TRPC5: variants seen among roughly 807,000 people sequenced by gnomAD.
TRPC5 encodes transient receptor potential cation channel subfamily C member 5.
In TRPC5, 9 loss-of-function variants were observed where a neutral mutation model predicts 56.5. That is an observed-to-expected ratio of 0.16 (90% confidence interval 0.10 to 0.28). TRPC5 has a LOEUF of 0.28. Ranked by LOEUF, TRPC5 falls within the 10% of genes least tolerant of loss-of-function variation. TRPC5 has a pLI of 1.00. For synonymous variants in TRPC5, 282 were observed against 278.5 expected, an observed-to-expected ratio of 1.01 and a Z score of -0.13; for missense variants, 469 against 748.9, an observed-to-expected ratio of 0.63 and a Z score of 4.36.
chrX:111,789,926 T>G (rs1298506723), intron 7 of TRPC5, among the ~76,000 whole-genome samples: 1 of 111,853 alleles, frequency 8.9e-6, no homozygotes, highest in Non-Finnish European at 1.9e-5. Context: ...CTGGAGAGGA[T>G]GTGGAGAAAT....
At chrX:111,810,923 T>C (rs1361286958) in intron 7 of TRPC5, among the ~76,000 whole-genome samples, 2 of 112,083 alleles carry the variant, frequency 1.8e-5, no homozygotes, top group Non-Finnish European at 3.8e-5. Flanking sequence ...AAATTAAATT[T>C]CAATTTATGC....
intron 6 of TRPC5, among the ~76,000 whole-genome samples, chrX:111,842,132 G>GTATATATATATATTATA (rs1406226710): frequency 2.6e-5 from 2 of 77,197 alleles, no homozygotes; most frequent in African/African-American, 2.3e-4. Context: ...ATATATATAT[G>GTATATATATATATTATA]TATATATATA....
chrX:111,853,285 T>C (rs976304375), intron 4 of TRPC5, among the ~76,000 whole-genome samples: 1 of 111,572 alleles, frequency 9.0e-6, no homozygotes, highest in African/African-American at 3.3e-5. Flanking sequence ...GCTTTTACCA[T>C]GATGTGTGAA....
At chrX:112,006,509 C>T (rs116560876) in intron 1 of TRPC5, among the ~76,000 whole-genome samples, 6,028 of 111,018 alleles carry the variant, frequency 0.054, 387 homozygotes, top group African/African-American at 0.18. Flanking sequence ...AGAGAGGCTA[C>T]GGAATTTGCC....
chrX:111,953,572 C>G (rs1447342457), intron 1 of TRPC5, among the ~76,000 whole-genome samples: 2 of 111,872 alleles, frequency 1.8e-5, no homozygotes, highest in Non-Finnish European at 3.8e-5. Flanking sequence ...TAGGTGTTGG[C>G]TCCACTTTTC....
At chrX:111,812,332 C>G (rs1292264309) in intron 7 of TRPC5, among the ~76,000 whole-genome samples, 1 of 111,113 alleles carries the variant, frequency 9.0e-6, no homozygotes, top group Non-Finnish European at 1.9e-5. Context: ...ATTGCACCCA[C>G]TCCACTGATA....
chrX:111,936,794 G>A (rs1297486116), intron 2 of TRPC5, among the ~76,000 whole-genome samples: 8 of 95,899 alleles, frequency 8.3e-5, no homozygotes, highest in Middle Eastern at 5.1e-3. Flanking sequence ...GAATAGTGCC[G>A]CAATAAACAT....
chrX:112,011,917 A>G (rs1282528168), intron 1 of TRPC5, among the ~76,000 whole-genome samples: 2 of 112,054 alleles, frequency 1.8e-5, no homozygotes, highest in Non-Finnish European at 3.8e-5. Context: ...TACGTATGAC[A>G]AAGCTTATAA....
chrX:112,067,600 A>G (rs188573009), intron 1 of TRPC5, among the ~76,000 whole-genome samples: 1 of 111,638 alleles, frequency 9.0e-6, no homozygotes, highest in Admixed American at 9.5e-5. Flanking sequence ...ACAGCTGGCC[A>G]GAGGGAAGGC....
At chrX:111,828,853 T>C (rs1210551760) in intron 7 of TRPC5, among the ~76,000 whole-genome samples, 1 of 112,094 alleles carries the variant, frequency 8.9e-6, no homozygotes, top group East Asian at 2.8e-4. Flanking sequence ...TACTGGGAAC[T>C]GGAATAAAAA....
rs188771193 is a variant in TRPC5 at position 112,066,375 on chromosome X, G to A, written c.-22+15504C>T. Among the ~76,000 whole-genome samples, 594 of 111,734 alleles carry A rather than the reference G, an allele frequency of 5.3e-3. 5 individuals are homozygous for A. Among genetic ancestry groups the A allele is most frequent in the Non-Finnish European group, 5.9e-3 (313 of 53,137 alleles). Reference sequence around the variant, plus strand: ...CCCCTGTGTTAGGCCCTGGGAATACGGTGTACGGTGGTGAACCAGAAAGGT... The same window carrying A: ...CCCCTGTGTTAGGCCCTGGGAATACAGTGTACGGTGGTGAACCAGAAAGGT... On this transcript the variant is annotated intron_variant, in intron 1 of 10. Transcript: ENST00000262839.
intron 5 of TRPC5, among the ~76,000 whole-genome samples, chrX:111,847,985 G>A (rs755952364): frequency 4.6e-4 from 51 of 111,483 alleles, no homozygotes; most frequent in African/African-American, 1.6e-3. Flanking sequence ...GCTGATGGAG[G>A]ATCCTTAGGG....
Position 111,799,568 on chromosome X carries a change from C to T in TRPC5, c.1897-17430G>A, listed in dbSNP as rs1472236696. ...CTGTCAATGCTATGGAAGAAAACCTCGATAAAAAGAACACTGAAAGTCTGG... is the reference window on the plus strand; with the variant it reads ...CTGTCAATGCTATGGAAGAAAACCTTGATAAAAAGAACACTGAAAGTCTGG... On this transcript the variant is annotated intron_variant, in intron 7 of 10. Coordinates refer to ENST00000262839, the MANE Select transcript of TRPC5 (RefSeq NM_012471.3). 1.9e-4 allele frequency among the ~76,000 whole-genome samples: 21 copies of T among 110,786 alleles called. 1 individual carries two copies. The highest frequency in any genetic ancestry group is 3.2e-4 in the Non-Finnish European group (17 of 52,972).
At chrX:111,778,578 TTTC>T (rs1408536251) in intron 10 of TRPC5, among the ~76,000 whole-genome samples, 1 of 111,607 alleles carries the variant, frequency 9.0e-6, no homozygotes, top group Non-Finnish European at 1.9e-5. Flanking sequence ...AATGGTAGAG[TTTC>T]TTAAGACCTT....
intron 2 of TRPC5, among the ~76,000 whole-genome samples, chrX:111,933,670 A>C (rs1483088822): frequency 4.5e-5 from 5 of 110,789 alleles, no homozygotes; most frequent in African/African-American, 6.6e-5. Flanking sequence ...TGTGCAGCCA[A>C]CTCCCTTGGT....
chrX:111,961,980 C>A (rs1390769193), intron 1 of TRPC5, among the ~76,000 whole-genome samples: 1 of 111,862 alleles, frequency 8.9e-6, no homozygotes, highest in Non-Finnish European at 1.9e-5. Flanking sequence ...TGAACTAACT[C>A]AGAAACAGAA....
intron 1 of TRPC5, among the ~76,000 whole-genome samples, chrX:111,999,732 G>A (rs756387370): frequency 8.8e-4 from 99 of 112,034 alleles, no homozygotes; most frequent in African/African-American, 2.9e-3. Flanking sequence ...TTGGGAGGCC[G>A]AGGTGGGCGG....
intron 7 of TRPC5, among the ~76,000 whole-genome samples, chrX:111,825,211 CTTTCTTTCTTCTT>C (rs1922184004): frequency 7.0e-5 from 4 of 57,058 alleles, no homozygotes; most frequent in African/African-American, 2.3e-4. Context: ...TTCTTTCTTT[CTTTCTTTCTTCTT>C]TCTTTCTCTC....
chrX:111,967,214 G>A (rs1927617717), intron 1 of TRPC5, among the ~76,000 whole-genome samples: 1 of 111,496 alleles, frequency 9.0e-6, no homozygotes, highest in South Asian at 3.8e-4. Context: ...AATCATGAGT[G>A]AACTCCCATT....
Sources: allele counts gnomAD v4.1 joint callset (sites outside exome capture counted in the v4.1 genomes callset), GRCh38; gene constraint gnomAD v4.1.1; transcripts MANE v1.5; gene names NCBI Gene and HGNC (gene_info 2026-07-23, HGNC 2026-07-21).